Variants in CYRIB observed in about 807,000 individuals in gnomAD.
CYRIB encodes the protein CYFIP-related Rac1 interactor B.
Under a neutral mutation model 44.2 loss-of-function variants are expected in CYRIB, and 8 were observed. That is an observed-to-expected ratio of 0.18 (90% CI 0.11 to 0.33). The LOEUF is 0.33. CYRIB is among the 10% of genes least tolerant of loss of function. The pLI, the probability that CYRIB is intolerant of heterozygous loss-of-function variation, is 1.00. For missense variants in CYRIB, 185 were observed against 382.8 expected (o/e 0.48, Z 4.31); for synonymous variants, 131 against 127.2 (o/e 1.03, Z -0.20).
rs200394050 is a variant in CYRIB at position 129,850,922 on chromosome 8, A to C, written c.634-8T>G. ...TATTGGTAAATTTTTATTCTGTAGA[A>C]GTATATGAAGAACAAAAAAAGTAAA... is the stretch of plus-strand genomic sequence containing the variant. On this transcript the variant is annotated splice_polypyrimidine_tract_variant and splice_region_variant and intron_variant, in intron 8 of 11. Transcript: ENST00000519824. 677 of 1,545,286 alleles carry C rather than the reference A, an allele frequency of 4.4e-4. 3 individuals carry two copies. The highest frequency in any genetic ancestry group is 5.7e-4 in the Non-Finnish European group (641 of 1,121,786).
chr8:129,849,993 A>T (rs1445567743), intron 9 of CYRIB: 1 of 152,320 alleles, frequency 6.6e-6, no homozygotes, highest in Non-Finnish European at 1.5e-5. Context: ...TATATATAGA[A>T]GGCAGTATAT....
intron 2 of CYRIB, 110 bp from the exon 5 acceptor site, chr8:129,879,581 T>A (rs1564535123): frequency 1.2e-6 from 1 of 801,012 alleles, no homozygotes; most frequent in East Asian, 2.7e-5. Flanking sequence ...GGCCATGAAT[T>A]CATTCTTCAG....
chr8:129,957,722 T>C (rs1468683190), intron 2 of CYRIB, among the ~76,000 whole-genome samples: 1 of 151,942 alleles, frequency 6.6e-6, no homozygotes, highest in African/African-American at 2.4e-5. Flanking sequence ...TCCCAGCACT[T>C]TGGGAGGCCG....
intron 3 of CYRIB, 150 bp from the exon 6 acceptor site, chr8:129,871,646 T>G: frequency 1.3e-6 from 1 of 749,278 alleles, no homozygotes; most frequent in East Asian, 3.0e-5. Flanking sequence ...AGACTAATAC[T>G]TTTTCCATAG....
intron 1 of CYRIB, among the ~76,000 whole-genome samples, chr8:129,909,361 C>A (rs148367344): frequency 6.6e-6 from 1 of 152,250 alleles, no homozygotes; most frequent in African/African-American, 2.4e-5. Context: ...ACAAGTACCA[C>A]TACCTATAAT....
At chr8:129,999,341 C>T (rs2096855850) in intron 1 of CYRIB, among the ~76,000 whole-genome samples, 1 of 152,232 alleles carries the variant, frequency 6.6e-6, no homozygotes, top group African/African-American at 2.4e-5. Context: ...CTCGGGATCC[C>T]TGTCCACAGG....
intron 1 of CYRIB, among the ~76,000 whole-genome samples, chr8:130,002,472 A>G (rs1314589164): frequency 6.6e-6 from 1 of 152,152 alleles, no homozygotes; most frequent in Non-Finnish European, 1.5e-5. Context: ...GGAGACTCTT[A>G]GTGGAGAGGA....
chr8:129,959,217 C>T (rs837223), intron 2 of CYRIB, among the ~76,000 whole-genome samples: 40,789 of 151,702 alleles, frequency 0.27, 6,636 homozygotes, highest in Non-Finnish European at 0.35. Flanking sequence ...TTTCTCTACC[C>T]CCATCACAAA....
At chr8:130,006,452 A>AAAAAT (rs568957867) in intron 1 of CYRIB, among the ~76,000 whole-genome samples, 3,015 of 146,400 alleles carry the variant, frequency 0.021, 44 homozygotes, top group Middle Eastern at 0.042. Flanking sequence ...TCTCATCTCA[A>AAAAAT]AAAATAAAAT....
intron 2 of CYRIB, among the ~76,000 whole-genome samples, chr8:129,883,255 A>T (rs1469836949): frequency 6.6e-6 from 1 of 151,888 alleles, no homozygotes; most frequent in Non-Finnish European, 1.5e-5. Flanking sequence ...AAATACACCA[A>T]CATCTTGGGC....
chr8:129,892,482 T>G (rs2065869813), intron 2 of CYRIB, among the ~76,000 whole-genome samples: 1 of 152,230 alleles, frequency 6.6e-6, no homozygotes, highest in East Asian at 1.9e-4. Context: ...CAGAATTTTT[T>G]TTTTTTGTGG....
intron 3 of CYRIB, among the ~76,000 whole-genome samples, chr8:129,873,505 G>C (rs2058085025): frequency 6.6e-6 from 1 of 151,990 alleles, no homozygotes; most frequent in African/African-American, 2.4e-5. Context: ...TGTTTTACAT[G>C]CAAAAAACGA....
At chr8:129,984,530 G>A (rs1182858484) in intron 1 of CYRIB, among the ~76,000 whole-genome samples, 1 of 152,168 alleles carries the variant, frequency 6.6e-6, no homozygotes, top group Non-Finnish European at 1.5e-5. Flanking sequence ...GGCTGGCACA[G>A]GAACACTGGG....
intron 2 of CYRIB, among the ~76,000 whole-genome samples, chr8:129,884,962 A>C (rs2062170222): frequency 6.6e-6 from 1 of 152,226 alleles, no homozygotes; most frequent in Non-Finnish European, 1.5e-5. Context: ...ATGTATTTTT[A>C]AGCTAACAAA....
chr8:129,884,433 C>T (rs545267710), intron 2 of CYRIB, among the ~76,000 whole-genome samples: 49 of 152,140 alleles, frequency 3.2e-4, no homozygotes, highest in African/African-American at 1.1e-3. Context: ...GGATTACAGG[C>T]ATGCACCACC....
intron 1 of CYRIB, among the ~76,000 whole-genome samples, chr8:129,929,204 G>A (rs1198342164): frequency 6.6e-6 from 1 of 152,070 alleles, no homozygotes; most frequent in Non-Finnish European, 1.5e-5. Context: ...CATAAGAAAT[G>A]TCCAGGAAAG....
chr8:129,953,246 A>G (rs1201722536), intron 2 of CYRIB, among the ~76,000 whole-genome samples: 2 of 152,198 alleles, frequency 1.3e-5, no homozygotes, highest in Non-Finnish European at 2.9e-5. Context: ...AGTTCCTTCC[A>G]GCTTGGGAAG....
At chr8:129,906,239 G>A (rs2075313404) in intron 1 of CYRIB, among the ~76,000 whole-genome samples, 1 of 152,036 alleles carries the variant, frequency 6.6e-6, no homozygotes, top group Admixed American at 6.6e-5. Flanking sequence ...GCATGCTACT[G>A]GTACCAAAAC....
intron 2 of CYRIB, among the ~76,000 whole-genome samples, chr8:129,891,007 G>T (rs990755649): frequency 1.3e-5 from 2 of 152,098 alleles, no homozygotes; most frequent in Non-Finnish European, 2.9e-5. Context: ...AAAACAAAGG[G>T]ATCTTTCAAG....
Sources: allele counts gnomAD v4.1 joint callset (sites outside exome capture counted in the v4.1 genomes callset), GRCh38; gene constraint gnomAD v4.1.1; transcripts MANE v1.5; gene names NCBI Gene and HGNC (gene_info 2026-07-23, HGNC 2026-07-21).